The following GLRA2 variants were observed in gnomAD, a reference collection of about 807,000 sequenced individuals.
GLRA2 encodes glycine receptor subunit alpha-2.
A neutral mutation model predicts 31.6 loss-of-function variants in GLRA2; 11 were observed. The observed-to-expected ratio is 0.35, with a 90% CI of 0.22 to 0.58. GLRA2 has a LOEUF of 0.58. Ranked by LOEUF, GLRA2 falls within the 20% of genes least tolerant of loss-of-function variation. The pLI, the probability that GLRA2 is intolerant of heterozygous loss-of-function variation, is 0.84. For missense variants in GLRA2, 212 were observed against 351.8 expected (o/e 0.60, Z 3.18); for synonymous variants, 132 against 134.0 (o/e 0.99, Z 0.10).
the GLRA2 span, among the ~76,000 whole-genome samples, chrX:14,511,162 C>G: frequency 9.0e-6 from 1 of 111,643 alleles, no homozygotes; most frequent in Non-Finnish European, 1.9e-5. Flanking sequence ...TAGCAAAAAC[C>G]TGATTTAGTT....
intron 3 of GLRA2, among the ~76,000 whole-genome samples, chrX:14,579,184 G>A (rs747676079): frequency 2.7e-5 from 3 of 112,221 alleles, no homozygotes; most frequent in African/African-American, 9.7e-5. Flanking sequence ...ATGTTGTGCT[G>A]TAACTGCTGA....
chrX:14,475,597 A>G, the GLRA2 span, among the ~76,000 whole-genome samples: 1 of 111,234 alleles, frequency 9.0e-6, no homozygotes, highest in African/African-American at 3.3e-5. Context: ...TCTTATTTAC[A>G]TTAAAGTTTA....
At chrX:14,641,610 T>C (rs1488315225) in intron 7 of GLRA2, among the ~76,000 whole-genome samples, 1 of 111,578 alleles carries the variant, frequency 9.0e-6, no homozygotes, top group Non-Finnish European at 1.9e-5. Context: ...ATGAAGCTCT[T>C]TGGGTGATGC....
At chrX:14,498,396 A>G in the GLRA2 span, among the ~76,000 whole-genome samples, 1 of 111,507 alleles carries the variant, frequency 9.0e-6, no homozygotes, top group Admixed American at 9.5e-5. Flanking sequence ...GAAGGACATA[A>G]AATGAGATCT....
chrX:14,686,231 AC>A (rs1176887016), intron 7 of GLRA2, among the ~76,000 whole-genome samples: 1 of 111,633 alleles, frequency 9.0e-6, no homozygotes, highest in African/African-American at 3.3e-5. Flanking sequence ...TTTACTTCCA[AC>A]TATGTGGAAG....
the GLRA2 span, among the ~76,000 whole-genome samples, chrX:14,455,458 T>G: frequency 8.9e-6 from 1 of 111,819 alleles, no homozygotes; most frequent in Non-Finnish European, 1.9e-5. Flanking sequence ...ATCTGACACA[T>G]TTTTTTGAGG....
intron 8 of GLRA2, among the ~76,000 whole-genome samples, chrX:14,720,410 G>A (rs1159936537): frequency 8.9e-6 from 1 of 111,750 alleles, no homozygotes; most frequent in East Asian, 2.8e-4. Flanking sequence ...AAGCATTTTG[G>A]ATACAGTTAA....
At chrX:14,493,684 CATATACACGTAT>C in the GLRA2 span, among the ~76,000 whole-genome samples, 1 of 91,022 alleles carries the variant, frequency 1.1e-5, no homozygotes, top group African/African-American at 4.4e-5. Flanking sequence ...CATGTGTATA[CATATACACGTAT>C]ATATGTATAC....
At chrX:14,461,347 T>C in the GLRA2 span, among the ~76,000 whole-genome samples, 3 of 111,932 alleles carry the variant, frequency 2.7e-5, no homozygotes, top group African/African-American at 9.7e-5. Context: ...TGGAGAGTTC[T>C]GTAGATGTCT....
At chrX:14,712,834 T>C (rs2091731791) in intron 8 of GLRA2, among the ~76,000 whole-genome samples, 1 of 111,508 alleles carries the variant, frequency 9.0e-6, no homozygotes. Flanking sequence ...CAGAAAGGTC[T>C]AGCCACCGTG....
chrX:14,525,115 G>A (rs919155121), upstream of GLRA2, among the ~76,000 whole-genome samples: 1 of 111,436 alleles, frequency 9.0e-6, no homozygotes, highest in African/African-American at 3.3e-5. Context: ...TGATACTGAT[G>A]TTAAGAAAAG....
At chrX:14,497,417 G>A in the GLRA2 span, among the ~76,000 whole-genome samples, 102 of 112,175 alleles carry the variant, frequency 9.1e-4, no homozygotes, top group African/African-American at 3.2e-3. Context: ...GAAGAAAACA[G>A]CTCGGTGCAG....
chrX:14,545,583 C>T (rs1341029496), intron 2 of GLRA2, among the ~76,000 whole-genome samples: 1 of 111,782 alleles, frequency 8.9e-6, no homozygotes, highest in Non-Finnish European at 1.9e-5. Flanking sequence ...GTCTTAGATA[C>T]ACTGCATCTT....
At chrX:14,549,767 T>C (rs1305736810) in intron 2 of GLRA2, among the ~76,000 whole-genome samples, 1 of 111,697 alleles carries the variant, frequency 9.0e-6, no homozygotes. Context: ...AATGTAGGAA[T>C]AGTAGTCATC....
At chrX:14,728,396 A>G (rs1014886400) in intron 8 of GLRA2, among the ~76,000 whole-genome samples, 1 of 111,448 alleles carries the variant, frequency 9.0e-6, no homozygotes, top group Middle Eastern at 4.3e-3. Flanking sequence ...GTCTCAAAAA[A>G]TAATAATAAT....
chrX:14,558,364 CAG>C (rs1375149170), intron 2 of GLRA2, among the ~76,000 whole-genome samples: 1 of 111,906 alleles, frequency 8.9e-6, no homozygotes, highest in African/African-American at 3.2e-5. Flanking sequence ...TTAACAGGCT[CAG>C]AGAATTTTTG....
At chrX:14,631,550 AT>A (rs151316486) in intron 7 of GLRA2, among the ~76,000 whole-genome samples, 2 of 108,494 alleles carry the variant, frequency 1.8e-5, no homozygotes, top group African/African-American at 3.4e-5. Flanking sequence ...GAACAATTTG[AT>A]TTTTTTTTGT....
chrX:14,729,779 A>T (rs2091969770), intron 8 of GLRA2, among the ~76,000 whole-genome samples: 1 of 111,175 alleles, frequency 9.0e-6, no homozygotes, highest in African/African-American at 3.3e-5. Context: ...AGGGCCAGGC[A>T]CACAGCACAG....
the GLRA2 span, among the ~76,000 whole-genome samples, chrX:14,479,465 G>T: frequency 9.0e-6 from 1 of 111,232 alleles, no homozygotes; most frequent in African/African-American, 3.3e-5. Context: ...TGCTGAGATT[G>T]GGGGTACAGA....
Sources: allele counts gnomAD v4.1 joint callset (sites outside exome capture counted in the v4.1 genomes callset), GRCh38; gene constraint gnomAD v4.1.1; transcripts MANE v1.5; gene names NCBI Gene and HGNC (gene_info 2026-07-23, HGNC 2026-07-21).